The following TRAPPC9 variants were observed in gnomAD, a reference collection of about 807,000 sequenced individuals.
TRAPPC9 encodes the protein IKK2 binding protein.
Under a neutral mutation model 124.0 loss-of-function variants are expected in TRAPPC9, and 83 were observed. The observed-to-expected ratio is 0.67, with a 90% CI of 0.56 to 0.80. The LOEUF (loss-of-function observed/expected upper bound fraction) is 0.80. TRAPPC9 is among the 30% of genes least tolerant of loss of function. The pLI is 0.00. For missense variants in TRAPPC9, 1,302 were observed against 1,508.3 expected, an observed-to-expected ratio of 0.86 and a Z score of 2.27; for synonymous variants, 638 against 617.5, an observed-to-expected ratio of 1.03 and a Z score of -0.49.
intron 19 of TRAPPC9, among the ~76,000 whole-genome samples, chr8:139,923,255 C>T (rs577488314): frequency 2.6e-5 from 4 of 152,290 alleles, no homozygotes; most frequent in East Asian, 1.9e-4. Context: ...CAATCTTTTT[C>T]GACAGAAATC....
chr8:139,934,812 C>T (rs1006252337), intron 19 of TRAPPC9, among the ~76,000 whole-genome samples: 5 of 152,182 alleles, frequency 3.3e-5, no homozygotes, highest in Admixed American at 2.6e-4. Context: ...CAGGACAGCG[C>T]TGGCCAAAGG....
intron 2 of TRAPPC9, among the ~76,000 whole-genome samples, chr8:140,449,363 A>C (rs1222151064): frequency 6.6e-6 from 1 of 152,138 alleles, no homozygotes; most frequent in Non-Finnish European, 1.5e-5. Flanking sequence ...GTGACACATC[A>C]CTTTCCCTGG....
At chr8:140,150,196 C>A (rs1440429607) in intron 17 of TRAPPC9, among the ~76,000 whole-genome samples, 2 of 152,168 alleles carry the variant, frequency 1.3e-5, no homozygotes, top group Admixed American at 1.3e-4. Flanking sequence ...ACCTGTAATC[C>A]CACCACTTTG....
intron 21 of TRAPPC9, among the ~76,000 whole-genome samples, chr8:139,741,344 G>A (rs1000040036): frequency 6.6e-6 from 1 of 152,180 alleles, no homozygotes; most frequent in African/African-American, 2.4e-5. Context: ...AGCAGCCCCA[G>A]TAGGAGGGCT....
chr8:140,176,972 C>A (rs573719544), intron 17 of TRAPPC9, among the ~76,000 whole-genome samples: 1 of 143,050 alleles, frequency 7.0e-6, no homozygotes, highest in South Asian at 2.3e-4. Context: ...CTATTCAAAT[C>A]ATTTGCCTAT....
intron 16 of TRAPPC9, among the ~76,000 whole-genome samples, chr8:140,231,487 T>C (rs996379446): frequency 8.6e-6 from 1 of 116,242 alleles, no homozygotes. Flanking sequence ...TTTTCTTTTT[T>C]TTTTTTTTTT....
intron 2 of TRAPPC9, among the ~76,000 whole-genome samples, chr8:140,440,150 G>A (rs1214529752): frequency 2.0e-5 from 3 of 152,186 alleles, no homozygotes; most frequent in Non-Finnish European, 2.9e-5. Flanking sequence ...GCCTTCGTTT[G>A]TCTCCTTCCT....
chr8:140,421,820 C>T (rs1356866533), intron 5 of TRAPPC9, among the ~76,000 whole-genome samples: 1 of 151,816 alleles, frequency 6.6e-6, no homozygotes, highest in African/African-American at 2.4e-5. Flanking sequence ...AGTGTGATGA[C>T]CAGAAAAGCC....
chr8:139,755,579 T>G (rs879070010), intron 21 of TRAPPC9, among the ~76,000 whole-genome samples: 659 of 22,672 alleles, frequency 0.029, no homozygotes, highest in Middle Eastern at 0.11. Flanking sequence ...AGGGATGGGG[T>G]ATAAGGACAG....
intron 15 of TRAPPC9, among the ~76,000 whole-genome samples, chr8:140,272,118 T>C (rs956045019): frequency 7.0e-6 from 1 of 143,662 alleles, no homozygotes; most frequent in Non-Finnish European, 1.5e-5. Context: ...GTGGTGGCAA[T>C]GGTGATGGTG....
At chr8:139,889,814 C>T (rs1830224156) in intron 20 of TRAPPC9, among the ~76,000 whole-genome samples, 2 of 152,206 alleles carry the variant, frequency 1.3e-5, no homozygotes, top group South Asian at 4.1e-4. Flanking sequence ...AAGGACAGCC[C>T]CCCTGCGGCC....
chr8:139,968,265 C>A (rs1352007683), intron 19 of TRAPPC9, among the ~76,000 whole-genome samples: 1 of 152,238 alleles, frequency 6.6e-6, no homozygotes, highest in Non-Finnish European at 1.5e-5. Flanking sequence ...CCCTGGCCCA[C>A]AGCCTGATTA....
In TRAPPC9 at chr8:139,732,173, G is replaced by A. The variant is rs764108797; in HGVS notation, c.3085C>T (p.Arg1029Cys). Residue 1029 changes from arginine (R) to cysteine (C), a missense_variant, in exon 22 of 23, where the codon CGC becomes TGC. By Grantham distance (180) the Arg-to-Cys change is radical (BLOSUM62 -3). Around this residue, in one of 3 missense-constraint regions of TRAPPC9, gnomAD observed 640 missense variants for 679.3 expected, o/e 0.94. Transcript: ENST00000438773. ...DVLVDGQPCD[R>C]EAVAACQVGD... ...ACCTGGCAGGCCGCCACAGCCTCGC[G>A]GTCACATGGCTGTCCGTCCACCAGC... is the stretch of plus-strand genomic sequence containing the variant. The A allele has an allele frequency of 9.4e-6, 15 of 1,598,076 alleles. No homozygotes were observed. Among genetic ancestry groups the A allele is most frequent in the Non-Finnish European group, 1.2e-5 (14 of 1,176,360 alleles).
chr8:139,786,973 G>T (rs114947706), intron 21 of TRAPPC9, among the ~76,000 whole-genome samples: 4 of 152,200 alleles, frequency 2.6e-5, no homozygotes, highest in African/African-American at 7.2e-5. Flanking sequence ...ACGGTTTCAC[G>T]GGTGTGTATG....
intron 17 of TRAPPC9, among the ~76,000 whole-genome samples, chr8:140,051,882 G>T (rs554846474): frequency 6.6e-6 from 1 of 152,142 alleles, no homozygotes; most frequent in South Asian, 2.1e-4. Context: ...ATCACAGCAG[G>T]AGTTTAACTG....
intron 17 of TRAPPC9, among the ~76,000 whole-genome samples, chr8:140,219,364 G>A (rs969413191): frequency 2.6e-5 from 4 of 152,180 alleles, no homozygotes; most frequent in Non-Finnish European, 5.9e-5. Flanking sequence ...CCGCTTGAAC[G>A]TTACAAAACG....
At chr8:140,095,046 G>A (rs1844840988) in intron 17 of TRAPPC9, 1 of 152,208 alleles carries the variant, frequency 6.6e-6, no homozygotes, top group African/African-American at 2.4e-5. Flanking sequence ...GCCCAATCCA[G>A]TGGTCACTCT....
chr8:140,130,111 C>T (rs1294255475), intron 17 of TRAPPC9, among the ~76,000 whole-genome samples: 1 of 152,272 alleles, frequency 6.6e-6, no homozygotes, highest in Non-Finnish European at 1.5e-5. Flanking sequence ...GCTTGAGGGG[C>T]GCCCACTGGT....
At chr8:140,161,064 G>A (rs1303966154) in intron 17 of TRAPPC9, among the ~76,000 whole-genome samples, 1 of 152,116 alleles carries the variant, frequency 6.6e-6, no homozygotes, top group East Asian at 1.9e-4. Context: ...TTGCTAAAAC[G>A]TCTCATGGCT....
Sources: allele counts gnomAD v4.1 joint callset (sites outside exome capture counted in the v4.1 genomes callset), GRCh38; gene constraint gnomAD v4.1.1; regional missense constraint gnomAD v4.1.1; transcripts MANE v1.5; gene names NCBI Gene and HGNC (gene_info 2026-07-23, HGNC 2026-07-21).